GNE: variants seen among roughly 807,000 people sequenced by gnomAD.
GNE encodes glucosamine (UDP-N-acetyl)-2-epimerase/N-acetylmannosamine kinase.
A neutral mutation model predicts 61.8 loss-of-function variants in GNE; 41 were observed. The observed-to-expected ratio is 0.66, with a 90% CI of 0.52 to 0.86. The LOEUF (loss-of-function observed/expected upper bound fraction) is 0.86, where lower values mean the gene tolerates loss of function less well. Ranked by LOEUF, GNE falls within the 40% of genes least tolerant of loss-of-function variation. GNE has a pLI of 0.00. For missense variants in GNE, 608 were observed against 909.1 expected (o/e 0.67, Z 4.26); for synonymous variants, 264 against 326.4 (o/e 0.81, Z 2.06).
At chr9:36,224,912 T>C (rs1166095194) in intron 7 of GNE, among the ~76,000 whole-genome samples, 1 of 152,220 alleles carries the variant, frequency 6.6e-6, no homozygotes, top group African/African-American at 2.4e-5. Flanking sequence ...TATGTTTTAA[T>C]ACCAAACAGG....
chr9:36,265,918 A>C (rs1394032680), intron 1 of GNE, among the ~76,000 whole-genome samples: 2 of 152,048 alleles, frequency 1.3e-5, no homozygotes, highest in Non-Finnish European at 2.9e-5. Context: ...TATGCGGCCC[A>C]GTTATTTTTT....
intron 3 of GNE, among the ~76,000 whole-genome samples, chr9:36,240,806 T>A (rs1219266158): frequency 6.6e-6 from 1 of 152,198 alleles, no homozygotes; most frequent in Non-Finnish European, 1.5e-5. Flanking sequence ...TGGTAATTTT[T>A]AAATTACCAT....
chr9:36,245,862 C>T (rs910989237), intron 3 of GNE, among the ~76,000 whole-genome samples, 169 bp downstream of exon 3: 2 of 152,072 alleles, frequency 1.3e-5, no homozygotes, highest in Non-Finnish European at 2.9e-5. Context: ...AAAAGGTAAA[C>T]CTCAGAGAGG....
In GNE at chr9:36,215,596, C is replaced by G. The variant is rs983349971; in HGVS notation, c.*1769G>C. The G allele has an allele frequency of 1.3e-5, 2 of 152,088 alleles. No individual in the cohort carries two copies. The highest frequency in any genetic ancestry group is 2.1e-4 in the South Asian group (1 of 4,822). 9.4% of individuals were successfully genotyped at this position (152,088 alleles called of 1,614,324 possible). A position where few individuals can be genotyped will look rare whatever the true frequency, so the allele number is the denominator to read the frequency against. On this transcript the variant is annotated 3_prime_UTR_variant, in exon 12 of 12. Transcript: ENST00000642385. The stretch of plus-strand genomic sequence containing the variant: ...CCCCATAGCTTAACAGTCAAACACA[C>G]CAAGTTCTATAAAATAAAAATTAAA...
At position 36,218,151 on chromosome 9, in the gene GNE, T is replaced by A. The variant is rs778180637; in HGVS notation, c.1933+32A>T. The A allele has an allele frequency of 6.8e-7, 1 of 1,460,418 alleles. No individual in the cohort carries two copies. Among genetic ancestry groups the A allele is most frequent in the South Asian group, 1.1e-5 (1 of 88,094 alleles). The allele number at this position is 1,460,418 out of a possible 1,614,324, so 90.5% of individuals were successfully genotyped here. ...CCATATGATATCTGAGGCCACCCCC[T>A]GCAGCACAGCCACCTGCAGCCACAT... On this transcript the variant is annotated intron_variant, in intron 11 of 11. Transcript: ENST00000642385. This position sits in a 1 kb window ranked among gnomAD's most constrained non-coding sequence, Gnocchi z 4.1.
chr9:36,257,752 G>C (rs957516883), intron 1 of GNE, among the ~76,000 whole-genome samples: 4 of 126,026 alleles, frequency 3.2e-5, no homozygotes, highest in African/African-American at 6.1e-5. Context: ...GCAGTGAGCC[G>C]AGATCGCGCC....
rs1829426497 is a variant in GNE, at chr9:36,237,073, T to A, written c.617-89A>T. ...AATTCTGAAAGCAAGACTCTAAGTC[T>A]GTGCTTTTAAAAATTCTACGATAGA... On this transcript the variant is annotated intron_variant, in intron 3 of 11. Transcript: ENST00000642385. 1.4e-5 allele frequency: 15 copies of A among 1,050,254 alleles called. No homozygotes were observed. In the South Asian group the frequency reaches 1.9e-4, roughly 13 times the overall value. 65.1% of individuals were successfully genotyped at this position (1,050,254 alleles called of 1,614,324 possible).
upstream of GNE, among the ~76,000 whole-genome samples, chr9:36,262,985 C>A (rs1225022102): frequency 2.0e-5 from 3 of 151,824 alleles, no homozygotes; most frequent in Non-Finnish European, 4.4e-5. Context: ...CTGTATATAC[C>A]CCCTACTTTA....
At chr9:36,219,084 T>C (rs1828467187) in intron 10 of GNE, among the ~76,000 whole-genome samples, 1 of 152,090 alleles carries the variant, frequency 6.6e-6, no homozygotes, top group African/African-American at 2.4e-5. Flanking sequence ...GTCTCCTGTC[T>C]CCCCTGGGCC....
At chr9:36,229,948 T>TG (rs1829064583) in intron 5 of GNE, among the ~76,000 whole-genome samples, 1 of 151,770 alleles carries the variant, frequency 6.6e-6, no homozygotes, top group Non-Finnish European at 1.5e-5. Context: ...CAATTCTCCT[T>TG]TCACTTTTTT....
In GNE at chr9:36,223,407, T is replaced by G. The variant is rs987713836; in HGVS notation, c.1377A>C (p.Glu459Asp). The G allele has an allele frequency of 6.2e-7, 1 of 1,613,442 alleles. No individual in the cohort carries two copies. Among genetic ancestry groups the G allele is most frequent in the Admixed American group, 1.7e-5 (1 of 60,006 alleles). ...ILQMCVEAAA[E>D]AVKLNCRILG... ...AAATTCTGCAGTTCAGTTTTACAGCTTCTGCTGCAGCTTCCACACACATCT... is the reference window on the plus strand; with the variant it reads ...AAATTCTGCAGTTCAGTTTTACAGCGTCTGCTGCAGCTTCCACACACATCT... Residue 459 changes from glutamate (E) to aspartate (D), a missense_variant, in exon 8 of 12, where the codon GAA (glutamate) becomes GAC (aspartate). By Grantham distance (45) the Glu-to-Asp change is conservative. Transcript: ENST00000642385.
intron 7 of GNE, among the ~76,000 whole-genome samples, chr9:36,226,749 C>A (rs1828882602): frequency 6.6e-6 from 1 of 152,172 alleles, no homozygotes; most frequent in South Asian, 2.1e-4. Context: ...TGAATGTTCT[C>A]TCACCTGTCA....
intron 1 of GNE, among the ~76,000 whole-genome samples, chr9:36,275,535 C>T (rs1368015838): frequency 6.6e-6 from 1 of 152,042 alleles, no homozygotes; most frequent in Non-Finnish European, 1.5e-5. Context: ...GCCATAGAAA[C>T]CACCAAACAT....
At chr9:36,266,948 C>G (rs1351405128) in intron 1 of GNE, among the ~76,000 whole-genome samples, 1 of 151,974 alleles carries the variant, frequency 6.6e-6, no homozygotes, top group East Asian at 1.9e-4. Flanking sequence ...CGCCTGTAAT[C>G]TCAGCTACTC....
chr9:36,217,912 C>T (rs943702026), intron 11 of GNE, among the ~76,000 whole-genome samples: 1 of 152,214 alleles, frequency 6.6e-6, no homozygotes, highest in African/African-American at 2.4e-5. Flanking sequence ...TTTCTTACAA[C>T]TGTCCTATAT....
At chr9:36,267,692 TCAAA>T (rs138018276) in intron 1 of GNE, 3,679 of 151,850 alleles carry the variant, frequency 0.024, 46 homozygotes, top group Middle Eastern at 0.041. Context: ...TGAGACTGTC[TCAAA>T]CAAACAAACA....
intron 6 of GNE, among the ~76,000 whole-genome samples, chr9:36,228,401 CT>C (rs1828989846): frequency 6.6e-6 from 1 of 151,882 alleles, no homozygotes; most frequent in Non-Finnish European, 1.5e-5. Flanking sequence ...CTGAACTAGA[CT>C]TTTTAAAAAA....
At chr9:36,257,696 G>A (rs1027720466) in intron 1 of GNE, among the ~76,000 whole-genome samples, 62 of 147,014 alleles carry the variant, frequency 4.2e-4, no homozygotes, top group Non-Finnish European at 8.4e-4. Context: ...CCAGCTACTC[G>A]GGAGGCTGAG....
chr9:36,218,183 C>T lies in GNE; in HGVS notation c.1933G>A (p.Ala645Thr). 3.7e-6 allele frequency: 6 copies of T among 1,605,928 alleles called. No individual in the cohort carries two copies. The highest frequency in any genetic ancestry group is 5.1e-6 in the Non-Finnish European group (6 of 1,172,472). Residue 645 changes from alanine (A) to threonine (T), a missense_variant and splice_region_variant, in exon 11 of 12, where the codon GCT becomes ACT. Coordinates refer to ENST00000642385, the MANE Select transcript of GNE (RefSeq NM_005476.7). The surrounding 1 kb of genome is among the most constrained non-coding windows in gnomAD (Gnocchi z 4.1). ...NAKAQSILRTAGTALGLGVVN... is the reference protein window; with the variant it reads ...NAKAQSILRTTGTALGLGVVN... The stretch of plus-strand genomic sequence containing the variant: ...CAGCCACCTGCAGCCACATGCTCAC[C>T]TGTTCTTAGGATGCTCTGGGCCTTC...
Sources: allele counts gnomAD v4.1 joint callset (sites outside exome capture counted in the v4.1 genomes callset), GRCh38; gene constraint gnomAD v4.1.1; non-coding constraint Gnocchi (gnomAD v3.1); transcripts MANE v1.5; gene names NCBI Gene and HGNC (gene_info 2026-07-23, HGNC 2026-07-21).